CD47: variants seen among roughly 807,000 people sequenced by gnomAD.
CD47 encodes leukocyte surface antigen CD47.
CD47 carries 11 observed loss-of-function variants against 44.6 expected under a neutral mutation model. The observed-to-expected ratio is 0.25, with a 90% CI of 0.16 to 0.41. CD47 has a LOEUF of 0.41. Among genes scored for constraint, CD47 ranks in the 10% least tolerant of loss-of-function variants. CD47 has a pLI of 1.00. For synonymous variants in CD47, 140 were observed against 136.3 expected (o/e 1.03, Z -0.19); for missense variants, 306 against 386.7 (o/e 0.79, Z 1.75).
chr3:108,055,001 T>C (rs2078889603), intron 7 of CD47, among the ~76,000 whole-genome samples: 3 of 152,208 alleles, frequency 2.0e-5, no homozygotes, highest in Non-Finnish European at 2.9e-5. Context: ...TAATCTTTTC[T>C]ATGCTTTCAC....
rs1038361290 is a variant in CD47 at position 108,043,764 on chromosome 3, C to T, written c.*3524G>A. 1 of 152,582 alleles carries T rather than the reference C, an allele frequency of 6.6e-6. No individual in the cohort carries two copies. Among genetic ancestry groups the T allele is most frequent in the Non-Finnish European group, 1.5e-5 (1 of 68,016 alleles). 9.5% of individuals were successfully genotyped at this position (152,582 alleles called of 1,614,324 possible). ...TGTTGTCTTACAGAGGAGCTTAGTA[C>T]AAATGCTTTCTTTTTTTCAAAAAGA... On this transcript the variant is annotated 3_prime_UTR_variant, in exon 11 of 11. Transcript: ENST00000361309.
At chr3:108,049,906 G>A (rs2078795772) in intron 9 of CD47, among the ~76,000 whole-genome samples, 1 of 152,072 alleles carries the variant, frequency 6.6e-6, no homozygotes, top group African/African-American at 2.4e-5. Context: ...TATCTCTGTG[G>A]CAATAGCCTG....
rs760205358 is a variant in CD47 at position 108,049,604 on chromosome 3, G to A, written c.967+15C>T. 2 of 1,495,244 alleles carry A rather than the reference G, an allele frequency of 1.3e-6. No homozygotes were observed. The highest frequency in any genetic ancestry group is 2.3e-5 in the South Asian group (2 of 88,596). 92.6% of individuals were successfully genotyped at this position (1,495,244 alleles called of 1,614,324 possible). On this transcript the variant is annotated intron_variant, in intron 10 of 10. Coordinates refer to ENST00000361309, the MANE Select transcript of CD47 (RefSeq NM_001777.4). Reference sequence around the variant, plus strand: ...TTTAACTGATCTATAATTATTAAGTGCATTTTATACTTACCATCATTCATC... The same window carrying A: ...TTTAACTGATCTATAATTATTAAGTACATTTTATACTTACCATCATTCATC...
At chr3:108,077,141 T>C (rs1468626551) in intron 2 of CD47, among the ~76,000 whole-genome samples, 3 of 152,200 alleles carry the variant, frequency 2.0e-5, no homozygotes, top group African/African-American at 7.2e-5. Flanking sequence ...TTCTATTAAG[T>C]AGAATTCACT....
chr3:108,047,861 A>G (rs1275430156), intron 10 of CD47, among the ~76,000 whole-genome samples: 1 of 152,240 alleles, frequency 6.6e-6, no homozygotes, highest in Non-Finnish European at 1.5e-5. Flanking sequence ...CGTAGATTTC[A>G]TCACAAATAT....
At chr3:108,059,869 CCTT>C (rs2078980827) in intron 4 of CD47, among the ~76,000 whole-genome samples, 1 of 152,138 alleles carries the variant, frequency 6.6e-6, no homozygotes, top group Non-Finnish European at 1.5e-5. Flanking sequence ...ATCAATTGTT[CCTT>C]CAAGTTGTCT....
In CD47 at chr3:108,058,941, T is replaced by C. The variant is rs370489292; in HGVS notation, c.691+511A>G. On this transcript the variant is annotated intron_variant, in intron 5 of 10. Coordinates refer to ENST00000361309, the MANE Select transcript of CD47 (RefSeq NM_001777.4). ...TAGTAATAACTAAATATGGTAGTGA[T>C]CTACTTTCAAAATGCAGTGAAAATG... 7.2e-5 allele frequency among the ~76,000 whole-genome samples: 11 copies of C among 152,352 alleles called. No homozygotes were observed. The East Asian group carries it at 2.1e-3, about 29-fold the overall frequency.
intron 1 of CD47, 79 bp from the exon 2 acceptor site, chr3:108,080,423 A>C (rs2079395153): frequency 1.4e-6 from 1 of 708,914 alleles, no homozygotes; most frequent in African/African-American, 1.8e-5. Context: ...CAAATCCTTA[A>C]GATAAACAGC....
intron 3 of CD47, among the ~76,000 whole-genome samples, chr3:108,063,330 C>T (rs1444172796): frequency 3.9e-5 from 6 of 152,200 alleles, no homozygotes; most frequent in African/African-American, 1.4e-4. Context: ...GGACACTCCA[C>T]CTGTCTCTGT....
chr3:108,068,721 A>C (rs1475559015), intron 3 of CD47, among the ~76,000 whole-genome samples: 1 of 152,216 alleles, frequency 6.6e-6, no homozygotes, highest in Non-Finnish European at 1.5e-5. Context: ...TTCTGGGAGA[A>C]ATAAATGTCA....
intron 9 of CD47, among the ~76,000 whole-genome samples, chr3:108,049,961 T>A (rs971426238): frequency 2.6e-5 from 4 of 152,162 alleles, no homozygotes; most frequent in African/African-American, 7.2e-5. Context: ...GTAATTGGGA[T>A]CCTTCTCTAC....
chr3:108,050,591 C>T lies in CD47; in HGVS notation c.921G>A (p.Glu307=). ...KTIQPPRKAV[E]EPLNAFKESK... ...ATAACCACATACCATTAAGGGGTTC[C>T]TCTACAGCTTTCTGAAAAATATTTA... Residue 307 remains glutamate, a synonymous_variant, in exon 9 of 11, where the codon GAG becomes GAA. Transcript: ENST00000361309. 2 of 1,172,266 alleles carry T rather than the reference C, an allele frequency of 1.7e-6. No individual in the cohort carries two copies. Among genetic ancestry groups the T allele is most frequent in the Admixed American group, 4.3e-5 (2 of 46,154 alleles). The allele number at this position is 1,172,266 out of a possible 1,614,324, so 72.6% of individuals were successfully genotyped here.
At chr3:108,089,260 C>T (rs1391464888) in intron 1 of CD47, among the ~76,000 whole-genome samples, 2 of 151,932 alleles carry the variant, frequency 1.3e-5, no homozygotes, top group Non-Finnish European at 1.5e-5. Context: ...ACTATAAATT[C>T]TGAATTCGAT....
At chr3:108,071,382 T>C (rs1277665038) in intron 2 of CD47, among the ~76,000 whole-genome samples, 200 bp from the exon 3 acceptor site, 1 of 152,244 alleles carries the variant, frequency 6.6e-6, no homozygotes, top group African/African-American at 2.4e-5. Flanking sequence ...ATTTTATTTA[T>C]GAATAAAAAC....
intron 3 of CD47, among the ~76,000 whole-genome samples, chr3:108,068,891 T>C (rs1281472463): frequency 6.6e-6 from 1 of 152,190 alleles, no homozygotes; most frequent in Non-Finnish European, 1.5e-5. Flanking sequence ...CATCTACCTG[T>C]TTCAAGATGA....
chr3:108,090,795 G>A (rs544385743), intron 1 of CD47, 68 bp downstream of exon 1: 4 of 1,380,708 alleles, frequency 2.9e-6, no homozygotes, highest in Non-Finnish European at 3.8e-6. Flanking sequence ...GCTGGCTGGG[G>A]CGCAGCCCAC....
intron 3 of CD47, among the ~76,000 whole-genome samples, chr3:108,065,417 C>T (rs1343235256): frequency 6.6e-6 from 1 of 152,062 alleles, no homozygotes; most frequent in African/African-American, 2.4e-5. Flanking sequence ...ATTCCTCCTA[C>T]AATAAAATCA....
intron 1 of CD47, among the ~76,000 whole-genome samples, chr3:108,086,716 G>C (rs1327422162): frequency 2.0e-5 from 3 of 152,156 alleles, no homozygotes; most frequent in African/African-American, 7.2e-5. Context: ...CAAGGGCAAG[G>C]ACATTTTGGT....
intron 1 of CD47, among the ~76,000 whole-genome samples, chr3:108,083,824 C>A (rs914199508): frequency 2.0e-5 from 3 of 151,866 alleles, no homozygotes; most frequent in Admixed American, 1.3e-4. Context: ...AAACTGAAAC[C>A]TTCAGAGGAG....
Sources: gnomAD v4.1 joint callset for allele counts (sites outside exome capture counted in the v4.1 genomes callset) on GRCh38, gnomAD v4.1.1 for gene constraint, MANE v1.5 for transcripts, NCBI Gene and HGNC (gene_info 2026-07-23, HGNC 2026-07-21) for gene names.